The following RYR3 variants were observed in gnomAD, a reference collection of about 807,000 sequenced individuals.
RYR3 encodes ryanodine receptor 3, also known as brain ryanodine receptor-calcium release channel.
Under a neutral mutation model 584.3 loss-of-function variants are expected in RYR3, and 207 were observed. The observed-to-expected ratio is 0.35, with a 90% CI of 0.32 to 0.40. The LOEUF (loss-of-function observed/expected upper bound fraction) is 0.40, where lower values mean the gene tolerates loss of function less well. Ranked by LOEUF, RYR3 falls within the 10% of genes least tolerant of loss-of-function variation. The pLI, the probability that RYR3 is intolerant of heterozygous loss-of-function variation, is 1.00. For missense variants in RYR3, 5,616 were observed against 6,089.2 expected (o/e 0.92, Z 2.59); for synonymous variants, 2,416 against 2,248.5 (o/e 1.07, Z -2.11).
At chr15:33,651,012 C>G (rs1238183267) in intron 31 of RYR3, among the ~76,000 whole-genome samples, 1 of 152,194 alleles carries the variant, frequency 6.6e-6, no homozygotes, top group Non-Finnish European at 1.5e-5. Context: ...AAGTGTCCAC[C>G]TCATTTGAGT....
chr15:33,760,000 G>A (rs2072268940), intron 60 of RYR3, among the ~76,000 whole-genome samples: 1 of 151,944 alleles, frequency 6.6e-6, no homozygotes, highest in African/African-American at 2.4e-5. Flanking sequence ...ATTCTTAAGG[G>A]AATTTTCAAC....
chr15:33,423,115 A>G (rs1031840284), intron 1 of RYR3, among the ~76,000 whole-genome samples: 2 of 152,150 alleles, frequency 1.3e-5, no homozygotes, highest in Non-Finnish European at 2.9e-5. Context: ...AAACATCTCC[A>G]TTACCACAAA....
At chr15:33,756,449 C>A in intron 59 of RYR3, 76 bp downstream of exon 59, 1 of 1,047,470 alleles carries the variant, frequency 9.5e-7, no homozygotes, top group Non-Finnish European at 1.4e-6. Flanking sequence ...TAAGTGGATC[C>A]AGTGAAGATA....
Position 33,663,672 on chromosome 15 carries a change from C to A in RYR3, c.5554C>A (p.Leu1852Met). Residue 1852 changes from leucine to methionine, a missense_variant, in exon 36 of 104, where the codon CTG becomes ATG. By Grantham distance (15) the Leu-to-Met change is conservative. Around this residue, in one of 9 missense-constraint regions of RYR3, gnomAD observed 1,280 missense variants for 1,426.2 expected, o/e 0.90. Transcript: ENST00000634891. ...KFRYNELMQALNMSAALTARK... is the reference protein window; with the variant it reads ...KFRYNELMQAMNMSAALTARK... ...CCGCTACAATGAGCTCATGCAGGCC[C>A]TGAACATGTCTGCGGCCCTGACTGC... 1 of 1,612,586 alleles carries A rather than the reference C, an allele frequency of 6.2e-7. No homozygotes were observed.
intron 1 of RYR3, among the ~76,000 whole-genome samples, chr15:33,379,105 C>A (rs909955827): frequency 6.6e-6 from 1 of 152,104 alleles, no homozygotes; most frequent in African/African-American, 2.4e-5. Flanking sequence ...TTTCCACACC[C>A]ACATAAAATG....
At chr15:33,484,443 G>A (rs1302839816) in intron 2 of RYR3, among the ~76,000 whole-genome samples, 2 of 152,146 alleles carry the variant, frequency 1.3e-5, no homozygotes, top group African/African-American at 4.8e-5. Context: ...ATTAAATTGA[G>A]TATGGTTTTG....
At chr15:33,463,852 G>A (rs1041387521) in intron 1 of RYR3, among the ~76,000 whole-genome samples, 18 of 152,138 alleles carry the variant, frequency 1.2e-4, no homozygotes, top group African/African-American at 3.1e-4. Flanking sequence ...GAGCCCAAAG[G>A]GTCCTGTAAG....
intron 1 of RYR3, among the ~76,000 whole-genome samples, chr15:33,315,689 G>A (rs1968069395): frequency 6.6e-6 from 1 of 152,180 alleles, no homozygotes; most frequent in African/African-American, 2.4e-5. Flanking sequence ...CCAGGGAAAC[G>A]TTCCCGGTGA....
At position 33,618,700 on chromosome 15, in the gene RYR3, G is replaced by A. The variant is rs148571368; in HGVS notation, c.2358-5107G>A. On this transcript the variant is annotated intron_variant, in intron 19 of 103. Coordinates refer to ENST00000634891, the MANE Select transcript of RYR3 (RefSeq NM_001036.6). Reference sequence around the variant, plus strand: ...CCAGCTCTCTGGGAGGAATTCGATAGCAGATAACAGTAATGAGACATCTAG... The same window carrying A: ...CCAGCTCTCTGGGAGGAATTCGATAACAGATAACAGTAATGAGACATCTAG... Among the ~76,000 whole-genome samples, 193 of 152,324 alleles carry A rather than the reference G, an allele frequency of 1.3e-3. 1 individual carries two copies. The highest frequency in any genetic ancestry group is 4.3e-3 in the African/African-American group (178 of 41,574).
At position 33,571,222 on chromosome 15, in the gene RYR3, T is replaced by C. The variant is rs75623977; in HGVS notation, c.1268+4423T>C. 2.8e-3 allele frequency among the ~76,000 whole-genome samples: 434 copies of C among 152,356 alleles called. 1 individual carries two copies. The highest frequency in any genetic ancestry group is 9.6e-3 in the African/African-American group (398 of 41,588). On this transcript the variant is annotated intron_variant, in intron 12 of 103. Transcript: ENST00000634891. ...TAAGTGCGATATTGACTGTAGGGTT[T>C]TTGTAGATACCCTTTATCAGGTCGA...
At chr15:33,585,738 T>A (rs1194389949) in intron 15 of RYR3, among the ~76,000 whole-genome samples, 1 of 152,238 alleles carries the variant, frequency 6.6e-6, no homozygotes, top group Non-Finnish European at 1.5e-5. Flanking sequence ...ACAAAGATCA[T>A]GTCTTTGTCC....
intron 74 of RYR3, chr15:33,813,849 C>T (rs2076670214): frequency 3.5e-6 from 1 of 282,844 alleles, no homozygotes; most frequent in Non-Finnish European, 6.6e-6. Flanking sequence ...TGGAAGTACA[C>T]TACTTTTGCT....
At position 33,390,799 on chromosome 15, in the gene RYR3, A is replaced by G. The variant is rs558686803; in HGVS notation, c.51+79703A>G. 5.2e-4 allele frequency among the ~76,000 whole-genome samples: 79 copies of G among 152,236 alleles called. No homozygotes were observed. Among genetic ancestry groups the G allele is most frequent in the Non-Finnish European group, 6.5e-4 (44 of 68,006 alleles). ...AGGGTGCTTCTGTGACCATACCCCA[A>G]TAAAAACCCTGGATGCTGACTCCAT... On this transcript the variant is annotated intron_variant, in intron 1 of 103. Transcript: ENST00000634891. This position sits in a 1 kb window ranked among gnomAD's most constrained non-coding sequence, Gnocchi z 4.2.
intron 16 of RYR3, 105 bp from the exon 17 acceptor site, chr15:33,601,314 C>T (rs1436992695): frequency 8.3e-7 from 1 of 1,205,242 alleles, no homozygotes; most frequent in Non-Finnish European, 1.2e-6. Flanking sequence ...CTACCCGTCA[C>T]CTAGCCCCCA....
Position 33,785,859 on chromosome 15 carries a change from A to G in RYR3, c.9466A>G (p.Ser3156Gly). 1.9e-6 allele frequency: 3 copies of G among 1,613,948 alleles called. No homozygotes were observed. The South Asian group carries it at 3.3e-5, about 18-fold the overall frequency. Residue 3156 changes from serine (S) to glycine (G), a missense_variant, in exon 66 of 104, where the codon AGC becomes GGC. By Grantham distance (56) the Ser-to-Gly change is moderately conservative. Around this residue, in one of 9 missense-constraint regions of RYR3, gnomAD observed 954 missense variants for 1,132.2 expected, o/e 0.84. Coordinates refer to ENST00000634891, the MANE Select transcript of RYR3 (RefSeq NM_001036.6). ...GCGGGGTCCTGAGAACCTGCCCCCC[A>G]GCACAGGGCCATGCTGCACCAAGGT... ...WERGPENLPP[S>G]TGPCCTKVTS...
chr15:33,556,730 G>C (rs1489921389), intron 10 of RYR3, among the ~76,000 whole-genome samples: 3 of 152,014 alleles, frequency 2.0e-5, no homozygotes, highest in East Asian at 1.9e-4. Flanking sequence ...TTGCCGTGCG[G>C]TGCCCCTTTT....
At chr15:33,742,101 T>C (rs72713301) in intron 51 of RYR3, among the ~76,000 whole-genome samples, 30,012 of 152,098 alleles carry the variant, frequency 0.2, 3,095 homozygotes, top group African/African-American at 0.27. Context: ...CAAGAGACCC[T>C]GGAGCACATG....
chr15:33,329,658 A>G (rs1249838883), intron 1 of RYR3, among the ~76,000 whole-genome samples: 1 of 152,164 alleles, frequency 6.6e-6, no homozygotes, highest in Non-Finnish European at 1.5e-5. Context: ...ACCAGTTCTC[A>G]ATGTTCTCAA....
chr15:33,464,016 C>T (rs1004114801), intron 1 of RYR3, among the ~76,000 whole-genome samples: 1 of 150,850 alleles, frequency 6.6e-6, no homozygotes, highest in Non-Finnish European at 1.5e-5. Context: ...ACTAATCTTT[C>T]ATTCAGTGAC....
Sources: allele counts gnomAD v4.1 joint callset (sites outside exome capture counted in the v4.1 genomes callset), GRCh38; gene constraint gnomAD v4.1.1; regional missense constraint gnomAD v4.1.1; non-coding constraint Gnocchi (gnomAD v3.1); transcripts MANE v1.5; gene names NCBI Gene and HGNC (gene_info 2026-07-23, HGNC 2026-07-21).